The following CSMD1 variants were observed in gnomAD, a reference collection of about 807,000 sequenced individuals.
CSMD1 encodes CUB and sushi domain-containing protein 1.
CSMD1 carries 213 observed loss-of-function variants against 417.5 expected under a neutral mutation model. The observed-to-expected ratio is 0.51, with a 90% CI of 0.46 to 0.57. The LOEUF is 0.57. CSMD1 is among the 20% of genes least tolerant of loss of function. CSMD1 has a pLI of 0.00. For missense variants in CSMD1, 6,923 were observed against 4,529.7 expected (o/e 1.53, Z -15.17); for synonymous variants, 2,862 against 1,736.8 (o/e 1.65, Z -16.11).
intron 3 of CSMD1, among the ~76,000 whole-genome samples, chr8:4,139,132 T>G (rs1803621205): frequency 6.6e-6 from 1 of 152,182 alleles, no homozygotes; most frequent in Non-Finnish European, 1.5e-5. Flanking sequence ...ATTCTAATCC[T>G]GGACCCATTT....
intron 1 of CSMD1, among the ~76,000 whole-genome samples, chr8:4,858,099 G>T (rs1056035062): frequency 1.3e-5 from 2 of 151,890 alleles, no homozygotes; most frequent in African/African-American, 2.4e-5. Context: ...GGGATGCAAG[G>T]CTGGTTCAAT....
intron 3 of CSMD1, among the ~76,000 whole-genome samples, chr8:4,121,161 C>T (rs150690221): frequency 0.034 from 5,159 of 152,214 alleles, 128 homozygotes; most frequent in Non-Finnish European, 0.05. Flanking sequence ...GTTGTCCAGG[C>T]TGGAGTGCAA....
intron 37 of CSMD1, among the ~76,000 whole-genome samples, chr8:3,172,246 C>CA (rs1377089330): frequency 6.6e-6 from 1 of 152,114 alleles, no homozygotes; most frequent in East Asian, 1.9e-4. Context: ...CCTTGTTCTA[C>CA]ATTTTTGTTT....
intron 4 of CSMD1, among the ~76,000 whole-genome samples, chr8:4,028,752 G>C (rs544812791): frequency 6.6e-6 from 1 of 152,146 alleles, no homozygotes; most frequent in Admixed American, 6.5e-5. Context: ...ATTAGTGCTT[G>C]TTGTGAGAGT....
At chr8:4,170,497 T>A (rs1461324116) in intron 3 of CSMD1, among the ~76,000 whole-genome samples, 1 of 151,930 alleles carries the variant, frequency 6.6e-6, no homozygotes, top group Non-Finnish European at 1.5e-5. Context: ...GTAATGAGAT[T>A]AATGAAATGT....
intron 49 of CSMD1, among the ~76,000 whole-genome samples, chr8:3,055,072 G>A (rs989217879): frequency 3.3e-5 from 5 of 152,170 alleles, no homozygotes; most frequent in African/African-American, 1.2e-4. Flanking sequence ...TGTGCGCAGT[G>A]TTCAGCTTCC....
At chr8:4,441,907 C>T (rs374489384) in intron 2 of CSMD1, among the ~76,000 whole-genome samples, 23 of 152,236 alleles carry the variant, frequency 1.5e-4, no homozygotes, top group African/African-American at 5.1e-4. Flanking sequence ...TAGGAAATTC[C>T]TTTATAAATC....
chr8:4,737,247 A>G (rs1384849183), intron 1 of CSMD1, among the ~76,000 whole-genome samples: 1 of 152,144 alleles, frequency 6.6e-6, no homozygotes, highest in Non-Finnish European at 1.5e-5. Context: ...AGAAAACCAA[A>G]TAGTGCACGT....
In CSMD1 at chr8:3,142,690, C is replaced by T. The variant is rs773444208; in HGVS notation, c.6032-16G>A. 4 of 1,582,102 alleles carry T rather than the reference C, an allele frequency of 2.5e-6. No homozygotes were observed. In the African/African-American group the frequency reaches 4.0e-5, roughly 16 times the overall value. ...ATATGTGCACCTATGGAAAAACATG[C>T]AAACTTAATGAAAGTTCATATCAAA... On this transcript the variant is annotated splice_polypyrimidine_tract_variant and intron_variant, in intron 40 of 69. Coordinates refer to ENST00000635120, the MANE Select transcript of CSMD1 (RefSeq NM_033225.6).
At chr8:4,264,698 C>A (rs915792483) in intron 3 of CSMD1, among the ~76,000 whole-genome samples, 10 of 152,096 alleles carry the variant, frequency 6.6e-5, no homozygotes, top group South Asian at 4.2e-4. Context: ...GGGAACAGGG[C>A]CTTAAAACAA....
chr8:4,021,977 G>C (rs534799564), intron 4 of CSMD1, among the ~76,000 whole-genome samples: 15 of 151,888 alleles, frequency 9.9e-5, no homozygotes, highest in African/African-American at 3.4e-4. Flanking sequence ...GTGCTGCCTA[G>C]GAAAGGATAG....
intron 30 of CSMD1, among the ~76,000 whole-genome samples, chr8:3,208,940 A>T (rs1797449670): frequency 6.6e-6 from 1 of 152,150 alleles, no homozygotes; most frequent in African/African-American, 2.4e-5. Flanking sequence ...CATGTGAGTT[A>T]ATGCTTAATA....
intron 7 of CSMD1, among the ~76,000 whole-genome samples, chr8:3,670,494 T>C (rs1164127215): frequency 7.2e-6 from 1 of 139,336 alleles, no homozygotes; most frequent in Admixed American, 7.2e-5. Context: ...ATCCCGTATA[T>C]ATATCCCATA....
intron 1 of CSMD1, among the ~76,000 whole-genome samples, chr8:4,869,845 C>T (rs1164640570): frequency 6.6e-6 from 1 of 151,920 alleles, no homozygotes; most frequent in Non-Finnish European, 1.5e-5. Context: ...CATATATTCT[C>T]TCTCTCTTTT....
chr8:4,858,872 A>AT (rs1048839600), intron 1 of CSMD1, among the ~76,000 whole-genome samples: 1 of 150,158 alleles, frequency 6.7e-6, no homozygotes, highest in Non-Finnish European at 1.5e-5. Context: ...TGCCATCCCC[A>AT]TCAAGCTACC....
At chr8:4,236,262 G>C (rs73186152) in intron 3 of CSMD1, among the ~76,000 whole-genome samples, 6,523 of 152,004 alleles carry the variant, frequency 0.043, 157 homozygotes, top group East Asian at 0.085. Context: ...GGCTTTATTT[G>C]TAATTGGCAC....
intron 3 of CSMD1, among the ~76,000 whole-genome samples, chr8:4,259,758 TAAG>T (rs1162786787): frequency 6.6e-5 from 10 of 152,094 alleles, no homozygotes; most frequent in East Asian, 3.9e-4. Context: ...TCATAAACCC[TAAG>T]AAGAAGAGAT....
At chr8:4,157,739 G>C (rs1367714174) in intron 3 of CSMD1, among the ~76,000 whole-genome samples, 5 of 152,206 alleles carry the variant, frequency 3.3e-5, no homozygotes, top group African/African-American at 1.2e-4. Flanking sequence ...CCTTTTCCTA[G>C]GAGTCAGGGC....
chr8:4,317,598 G>C (rs1049398971), intron 3 of CSMD1, among the ~76,000 whole-genome samples: 1 of 73,452 alleles, frequency 1.4e-5, no homozygotes, highest in Non-Finnish European at 2.9e-5. Context: ...AGAGAGAGGA[G>C]AGAGGGGAGA....
Sources: allele counts gnomAD v4.1 joint callset (sites outside exome capture counted in the v4.1 genomes callset), GRCh38; gene constraint gnomAD v4.1.1; transcripts MANE v1.5; gene names NCBI Gene and HGNC (gene_info 2026-07-23, HGNC 2026-07-21).